The following CCN4 variants were observed in gnomAD, a reference collection of about 807,000 sequenced individuals.
The protein encoded by CCN4 is cellular communication network factor 4.
Under a neutral mutation model 36.7 loss-of-function variants are expected in CCN4, and 30 were observed. That is an observed-to-expected ratio of 0.82 (90% CI 0.61 to 1.11). The LOEUF is 1.11. Ranked by LOEUF, CCN4 falls within the 50% of genes least tolerant of loss-of-function variation. CCN4 has a pLI of 0.00. For synonymous variants in CCN4, 191 were observed against 195.4 expected (o/e 0.98, Z 0.19); for missense variants, 505 against 504.9 (o/e 1.00, Z 0.00).
At chr8:133,199,342 A>G (rs1439162390) in intron 1 of CCN4, among the ~76,000 whole-genome samples, 2 of 152,322 alleles carry the variant, frequency 1.3e-5, no homozygotes, top group East Asian at 1.9e-4. Context: ...GGAGGCGGGC[A>G]GCACACAGCC....
intron 1 of CCN4, among the ~76,000 whole-genome samples, 182 bp downstream of exon 1, chr8:133,191,395 G>A (rs1039539976): frequency 6.6e-5 from 10 of 152,184 alleles, no homozygotes; most frequent in Admixed American, 6.5e-4. Flanking sequence ...GGCTGAAGCT[G>A]GCAGGGTGAG....
At position 133,213,064 on chromosome 8, in the gene CCN4, TGCCATCTG is replaced by T; in HGVS notation, c.271_278del (p.Ala91Ter). The T allele has an allele frequency of 6.2e-7, 1 of 1,614,130 alleles. No homozygotes were observed. The highest frequency in any genetic ancestry group is 8.5e-7 in the Non-Finnish European group (1 of 1,179,978). On this transcript the variant is annotated frameshift_variant, in exon 2 of 5. Coordinates refer to ENST00000250160, the MANE Select transcript of CCN4 (RefSeq NM_003882.4). LOFTEE classifies it high-confidence loss of function. Reference sequence around the variant, plus strand: ...AGCTTGGGGACAACTGCACGGAGGCTGCCATCTGTGACCCCCACCGGGGCCTCTACTGT... The same window carrying T: ...AGCTTGGGGACAACTGCACGGAGGCTTGACCCCCACCGGGGCCTCTACTGT...
At chr8:133,205,388 C>T (rs1853734375) in intron 1 of CCN4, among the ~76,000 whole-genome samples, 1 of 152,092 alleles carries the variant, frequency 6.6e-6, no homozygotes, top group Admixed American at 6.5e-5. Context: ...TTTTTTCCCC[C>T]TCCTCTGGCC....
chr8:133,227,024 G>A (rs1163053796), intron 4 of CCN4, among the ~76,000 whole-genome samples: 3 of 152,226 alleles, frequency 2.0e-5, no homozygotes, highest in African/African-American at 7.2e-5. Flanking sequence ...TGTCCCCTGA[G>A]TGTGGAGTCC....
intron 2 of CCN4, among the ~76,000 whole-genome samples, chr8:133,215,843 T>C (rs1461944726): frequency 1.3e-5 from 2 of 152,230 alleles, no homozygotes; most frequent in South Asian, 2.1e-4. Flanking sequence ...CCAGGAGCTA[T>C]AGAAATTCTC....
At chr8:133,195,578 C>A (rs1158076497) in intron 1 of CCN4, among the ~76,000 whole-genome samples, 1 of 152,122 alleles carries the variant, frequency 6.6e-6, no homozygotes, top group Non-Finnish European at 1.5e-5. Flanking sequence ...CTGCTGCCAG[C>A]TCAGGGCCCC....
intron 1 of CCN4, among the ~76,000 whole-genome samples, chr8:133,203,127 C>G (rs1023281310): frequency 4.6e-5 from 7 of 152,206 alleles, no homozygotes; most frequent in African/African-American, 1.7e-4. Context: ...GCCAAGGCCT[C>G]CGACCGTCCA....
intron 1 of CCN4, among the ~76,000 whole-genome samples, chr8:133,203,622 T>A (rs1290260377): frequency 6.6e-6 from 1 of 152,180 alleles, no homozygotes; most frequent in Non-Finnish European, 1.5e-5. Context: ...TCAGAGCAGG[T>A]GAGCACGGCT....
chr8:133,223,067 C>T (rs977613467), intron 3 of CCN4, among the ~76,000 whole-genome samples: 7 of 152,170 alleles, frequency 4.6e-5, no homozygotes, highest in Admixed American at 1.3e-4. Context: ...TCCAAATACA[C>T]CCTAGGAGAC....
intron 2 of CCN4, among the ~76,000 whole-genome samples, chr8:133,220,044 A>T (rs1854460494): frequency 6.6e-6 from 1 of 151,424 alleles, no homozygotes; most frequent in Admixed American, 6.6e-5. Flanking sequence ...AGACACTTGT[A>T]ACTGCCAACA....
intron 1 of CCN4, among the ~76,000 whole-genome samples, chr8:133,202,553 C>T (rs1255250831): frequency 2.6e-5 from 4 of 152,216 alleles, no homozygotes; most frequent in African/African-American, 4.8e-5. Flanking sequence ...GTAAAGTTGA[C>T]TTTCCCCGCC....
chr8:133,212,922 C>T lies in CCN4; in HGVS notation c.128C>T (p.Ser43Phe), dbSNP rs1272643436. The T allele has an allele frequency of 2.5e-6, 4 of 1,613,054 alleles. No individual in the cohort carries two copies. The highest frequency in any genetic ancestry group is 1.3e-5 in the African/African-American group (1 of 74,846). Reference sequence around the variant, plus strand: ...ACCCCAGCTCCACTGGAGGACACCTCCTCACGCCCCCAATTCTGCAAGTGG... The same window carrying T: ...ACCCCAGCTCCACTGGAGGACACCTTCTCACGCCCCCAATTCTGCAAGTGG... Reference protein sequence around the residue: ...DFTPAPLEDTSSRPQFCKWPC... With the variant: ...DFTPAPLEDTFSRPQFCKWPC... Residue 43 changes from serine to phenylalanine, a missense_variant, in exon 2 of 5, where the codon TCC (serine) becomes TTC (phenylalanine). Physicochemically the swap from Ser to Phe is radical, Grantham distance 155 (BLOSUM62 -2). Coordinates refer to ENST00000250160, the MANE Select transcript of CCN4 (RefSeq NM_003882.4).
At chr8:133,226,307 G>C (rs1854734612) in intron 4 of CCN4, among the ~76,000 whole-genome samples, 1 of 152,108 alleles carries the variant, frequency 6.6e-6, no homozygotes, top group Non-Finnish European at 1.5e-5. Flanking sequence ...GGTTTCTTAG[G>C]GATGTTGAGG....
chr8:133,194,589 G>GGA (rs1853270769), intron 1 of CCN4, among the ~76,000 whole-genome samples: 1 of 125,330 alleles, frequency 8.0e-6, no homozygotes, highest in Admixed American at 7.9e-5. Context: ...TGTGTGGGGT[G>GGA]TGTGGGGTGT....
chr8:133,206,799 G>A (rs62514013), intron 1 of CCN4, among the ~76,000 whole-genome samples: 12,527 of 152,198 alleles, frequency 0.082, 679 homozygotes, highest in South Asian at 0.16. Context: ...GAACTAACTG[G>A]GAGGTTCTAA....
At chr8:133,201,552 A>G (rs1247154608) in intron 1 of CCN4, among the ~76,000 whole-genome samples, 2 of 152,190 alleles carry the variant, frequency 1.3e-5, no homozygotes. Flanking sequence ...AAGAATAAAA[A>G]AGCATACAGC....
chr8:133,203,852 A>G (rs1312839328), intron 1 of CCN4, among the ~76,000 whole-genome samples: 1 of 152,206 alleles, frequency 6.6e-6, no homozygotes, highest in Non-Finnish European at 1.5e-5. Context: ...TTCTGCTCCT[A>G]TGCCTATTGC....
chr8:133,220,294 G>A (rs993504676), intron 2 of CCN4, among the ~76,000 whole-genome samples: 1 of 152,206 alleles, frequency 6.6e-6, no homozygotes, highest in Non-Finnish European at 1.5e-5. Context: ...CCTGCAGGGA[G>A]CAAACCAGCC....
At chr8:133,205,806 G>A (rs1164633721) in intron 1 of CCN4, among the ~76,000 whole-genome samples, 1 of 152,150 alleles carries the variant, frequency 6.6e-6, no homozygotes, top group African/African-American at 2.4e-5. Context: ...TGGAAAATGT[G>A]CAGGCCTTTT....
Sources: gnomAD v4.1 joint callset for allele counts (sites outside exome capture counted in the v4.1 genomes callset) on GRCh38, gnomAD v4.1.1 for gene constraint, MANE v1.5 for transcripts, NCBI Gene and HGNC (gene_info 2026-07-23, HGNC 2026-07-21) for gene names.